Variants in ADAMTS17 observed in about 807,000 individuals in gnomAD.
The protein encoded by ADAMTS17 is A disintegrin and metalloproteinase with thrombospondin motifs 17.
In ADAMTS17, 113 loss-of-function variants were observed where a neutral mutation model predicts 141.5. The ratio of observed to expected loss-of-function variants is 0.80; its 90% CI spans 0.69 to 0.93. The LOEUF is 0.93. Ranked by LOEUF, ADAMTS17 falls within the 40% of genes least tolerant of loss-of-function variation. ADAMTS17 has a pLI of 0.00. For missense variants in ADAMTS17, 1,659 were observed against 1,517.9 expected (o/e 1.09, Z -1.54); for synonymous variants, 768 against 630.6 (o/e 1.22, Z -3.27).
rs201067774 is a variant in ADAMTS17 at position 100,262,782 on chromosome 15, TAAAAA to T, written c.790-352_790-348del. Among the ~76,000 whole-genome samples, 5 of 111,248 alleles carry T rather than the reference TAAAAA, an allele frequency of 4.5e-5. No homozygotes were observed. In the East Asian group the frequency reaches 9.7e-4, roughly 22 times the overall value. 73.0% of individuals were successfully genotyped at this position (111,248 alleles called of 152,430 possible). ...AATATAGGTTGTACTCTTCCAGTAC[TAAAAA>T]AAAAAAAAAACAAAAAACCTAAAGA... On this transcript the variant is annotated intron_variant, in intron 4 of 21. Transcript: ENST00000268070.
chr15:100,008,638 G>A (rs2061089118), intron 18 of ADAMTS17, among the ~76,000 whole-genome samples: 1 of 152,236 alleles, frequency 6.6e-6, no homozygotes, highest in Non-Finnish European at 1.5e-5. Flanking sequence ...AAGGAGCCCA[G>A]CCTGAAGAGT....
At chr15:100,208,125 C>T (rs1347399618) in intron 7 of ADAMTS17, among the ~76,000 whole-genome samples, 1 of 152,048 alleles carries the variant, frequency 6.6e-6, no homozygotes, top group African/African-American at 2.4e-5. Flanking sequence ...TCACCTGGTA[C>T]ACAGTAGGCT....
chr15:100,208,536 A>AC (rs2041668517), intron 7 of ADAMTS17, among the ~76,000 whole-genome samples: 1 of 152,028 alleles, frequency 6.6e-6, no homozygotes, highest in Admixed American at 6.5e-5. Flanking sequence ...GGTCAGTGTT[A>AC]CCCCAGAGGG....
At chr15:100,063,540 T>G in intron 15 of ADAMTS17, 1 of 639,860 alleles carries the variant, frequency 1.6e-6, no homozygotes, top group South Asian at 1.6e-5. Context: ...TGTGGTCCCC[T>G]CTGGGTGCTC....
chr15:100,333,616 CT>C (rs1414481449), intron 2 of ADAMTS17, among the ~76,000 whole-genome samples: 2 of 152,234 alleles, frequency 1.3e-5, no homozygotes, highest in African/African-American at 4.8e-5. Context: ...GAACCTGGGA[CT>C]TCCTCTGTGG....
intron 7 of ADAMTS17, among the ~76,000 whole-genome samples, chr15:100,227,122 T>G (rs1596318626): frequency 6.6e-6 from 1 of 152,170 alleles, no homozygotes; most frequent in Admixed American, 6.5e-5. Flanking sequence ...TGAGCACTGA[T>G]GAACCCCGAG....
intron 20 of ADAMTS17, among the ~76,000 whole-genome samples, chr15:99,977,398 ATAAT>A (rs2060381778): frequency 2.2e-4 from 1 of 4,546 alleles, no homozygotes; most frequent in African/African-American, 6.5e-4. Flanking sequence ...ATATATATAT[ATAAT>A]TTTTTTTTTT....
intron 8 of ADAMTS17, among the ~76,000 whole-genome samples, chr15:100,169,013 T>G (rs200250652): frequency 0.029 from 4,480 of 152,074 alleles, 170 homozygotes; most frequent in East Asian, 0.1. Context: ...GCGGTGGTGG[T>G]GGGGGCAGGC....
rs143637911 is a variant in ADAMTS17 at position 100,228,820 on chromosome 15, C to T, written c.1075+25316G>A. Among the ~76,000 whole-genome samples, 1,022 of 152,292 alleles carry T rather than the reference C, an allele frequency of 6.7e-3. 7 individuals are homozygous for T. Among genetic ancestry groups the T allele is most frequent in the South Asian group, 0.043 (207 of 4,818 alleles). On this transcript the variant is annotated intron_variant, in intron 7 of 21. Coordinates refer to ENST00000268070, the MANE Select transcript of ADAMTS17 (RefSeq NM_139057.4). ...GGAAGGAGCTGGCCTGCTCACTAGC[C>T]CCCCAACCCCAGCTCTCCCTGCCTA...
At chr15:100,166,534 C>T (rs946636521) in intron 8 of ADAMTS17, among the ~76,000 whole-genome samples, 1 of 152,132 alleles carries the variant, frequency 6.6e-6, no homozygotes, top group African/African-American at 2.4e-5. Flanking sequence ...AGGTAGGTAA[C>T]CCTGATGAGG....
chr15:100,335,035 AG>A (rs2046167309), intron 2 of ADAMTS17, among the ~76,000 whole-genome samples: 1 of 152,010 alleles, frequency 6.6e-6, no homozygotes, highest in Non-Finnish European at 1.5e-5. Context: ...ATCGCCTCTC[AG>A]CCAGTGACCC....
At chr15:100,303,183 A>G (rs1272767178) in intron 3 of ADAMTS17, among the ~76,000 whole-genome samples, 1 of 147,156 alleles carries the variant, frequency 6.8e-6, no homozygotes, top group Non-Finnish European at 1.5e-5. Context: ...TTATATATAT[A>G]AACTTACCTT....
At chr15:99,989,203 G>C (rs971692997) in intron 20 of ADAMTS17, among the ~76,000 whole-genome samples, 1 of 152,186 alleles carries the variant, frequency 6.6e-6, no homozygotes, top group Non-Finnish European at 1.5e-5. Context: ...CTGTGCAGCA[G>C]GGGTGACAAC....
chr15:100,109,467 T>A lies in ADAMTS17; in HGVS notation c.1889-351A>T, dbSNP rs566731118. ...CATCAAGGGGGAGCTGGAGCCACTC[T>A]TATAGCGAGGGTGTGAAGGGAGGGG... On this transcript the variant is annotated intron_variant, in intron 13 of 21. Transcript: ENST00000268070. Among the ~76,000 whole-genome samples, 19 of 144,668 alleles carry A rather than the reference T, an allele frequency of 1.3e-4. No individual in the cohort carries two copies. The East Asian group carries it at 3.2e-3, about 24-fold the overall frequency. The allele number at this position is 144,668 out of a possible 152,430, so 94.9% of individuals were successfully genotyped here.
At chr15:100,217,710 A>T (rs1046885495) in intron 7 of ADAMTS17, among the ~76,000 whole-genome samples, 1 of 152,218 alleles carries the variant, frequency 6.6e-6, no homozygotes, top group Non-Finnish European at 1.5e-5. Context: ...CAAAGTTGAA[A>T]TTTTTTATGC....
chr15:100,319,932 A>G (rs1384633134), intron 3 of ADAMTS17, among the ~76,000 whole-genome samples: 1 of 152,220 alleles, frequency 6.6e-6, no homozygotes, highest in African/African-American at 2.4e-5. Context: ...CTCTGTCTCA[A>G]AAAAATAAAT....
intron 18 of ADAMTS17, among the ~76,000 whole-genome samples, chr15:100,037,946 AT>A (rs201512296): frequency 0.017 from 2,421 of 140,254 alleles, 60 homozygotes; most frequent in African/African-American, 0.057. Flanking sequence ...CTAATTTTGT[AT>A]TTTTTTTTTG....
intron 3 of ADAMTS17, among the ~76,000 whole-genome samples, chr15:100,292,984 G>C (rs979734805): frequency 6.6e-6 from 1 of 152,212 alleles, no homozygotes; most frequent in African/African-American, 2.4e-5. Flanking sequence ...AGGCAGTATT[G>C]TCGACATCAT....
chr15:100,299,690 G>A (rs892768855), intron 3 of ADAMTS17, among the ~76,000 whole-genome samples: 6 of 152,066 alleles, frequency 3.9e-5, no homozygotes, highest in African/African-American at 1.4e-4. Context: ...TTTGACAGAT[G>A]GTCTTTCATC....
Sources: allele counts gnomAD v4.1 joint callset (sites outside exome capture counted in the v4.1 genomes callset), GRCh38; gene constraint gnomAD v4.1.1; transcripts MANE v1.5; gene names NCBI Gene and HGNC (gene_info 2026-07-23, HGNC 2026-07-21).